FAM241A: variants seen among roughly 807,000 people sequenced by gnomAD.
FAM241A encodes uncharacterized protein FAM241A.
FAM241A carries 7 observed loss-of-function variants against 12.2 expected under a neutral mutation model. The observed-to-expected ratio is 0.58, with a 90% CI of 0.33 to 1.08. The LOEUF (loss-of-function observed/expected upper bound fraction) is 1.08. Ranked by LOEUF, FAM241A falls within the 50% of genes least tolerant of loss-of-function variation. The pLI, the probability that FAM241A is intolerant of heterozygous loss-of-function variation, is 0.04. For missense variants in FAM241A, 161 were observed against 169.7 expected (o/e 0.95, Z 0.29); for synonymous variants, 74 against 68.2 (o/e 1.08, Z -0.42).
intron 1 of FAM241A, 134 bp downstream of exon 1, chr4:112,145,867 T>G (rs1255397387): frequency 4.5e-6 from 2 of 447,904 alleles, no homozygotes; most frequent in African/African-American, 4.2e-5. Context: ...TCCCCGGCGC[T>G]CTGGGAAGTC....
chr4:112,184,004 G>A (rs1723993727), intron 1 of FAM241A, among the ~76,000 whole-genome samples: 1 of 151,844 alleles, frequency 6.6e-6, no homozygotes, highest in Non-Finnish European at 1.5e-5. Flanking sequence ...AAAAAGAAAA[G>A]ATCCACAAAT....
chr4:112,146,696 C>T (rs965728912), intron 1 of FAM241A, among the ~76,000 whole-genome samples: 3 of 152,176 alleles, frequency 2.0e-5, no homozygotes, highest in African/African-American at 2.4e-5. Context: ...CTTTCTGTCA[C>T]GTTTCACAAA....
intron 1 of FAM241A, among the ~76,000 whole-genome samples, chr4:112,174,666 T>C (rs1373414356): frequency 6.6e-6 from 1 of 152,170 alleles, no homozygotes; most frequent in Non-Finnish European, 1.5e-5. Flanking sequence ...AGAGCCTTCC[T>C]GGGATCAAAG....
intron 1 of FAM241A, among the ~76,000 whole-genome samples, chr4:112,186,277 T>G (rs1022448425): frequency 7.2e-5 from 11 of 152,208 alleles, no homozygotes; most frequent in African/African-American, 2.7e-4. Flanking sequence ...TAGCTGAGCC[T>G]AAGACAAAGA....
intron 1 of FAM241A, among the ~76,000 whole-genome samples, chr4:112,177,404 T>C (rs1411154155): frequency 6.6e-6 from 1 of 151,920 alleles, no homozygotes; most frequent in East Asian, 1.9e-4. Flanking sequence ...AACTGGAGGG[T>C]GTGTACAGTA....
intron 1 of FAM241A, among the ~76,000 whole-genome samples, chr4:112,177,310 G>A (rs1723843125): frequency 6.6e-6 from 1 of 152,056 alleles, no homozygotes; most frequent in Non-Finnish European, 1.5e-5. Flanking sequence ...TATTTATATA[G>A]CTTATCTTTT....
At chr4:112,174,685 G>T (rs1034349444) in intron 1 of FAM241A, among the ~76,000 whole-genome samples, 13 of 152,182 alleles carry the variant, frequency 8.5e-5, no homozygotes, top group Non-Finnish European at 1.5e-4. Context: ...AGTCAACTGT[G>T]AGAATTCGAG....
At chr4:112,167,580 T>G (rs997837568) in intron 1 of FAM241A, among the ~76,000 whole-genome samples, 3 of 152,230 alleles carry the variant, frequency 2.0e-5, no homozygotes, top group African/African-American at 7.2e-5. Flanking sequence ...AAGAGTTGCC[T>G]GAGTTGAGAA....
chr4:112,155,764 G>A (rs1723340680), intron 1 of FAM241A, among the ~76,000 whole-genome samples: 1 of 152,030 alleles, frequency 6.6e-6, no homozygotes, highest in South Asian at 2.1e-4. Flanking sequence ...AAGATGAATG[G>A]TGTGGGTTTA....
Position 112,192,704 on chromosome 4 carries a change from C to G in FAM241A, c.*5766C>G, listed in dbSNP as rs1405980776. 6.6e-6 allele frequency: 1 copy of G among 151,142 alleles called. No individual in the cohort carries two copies. The highest frequency in any genetic ancestry group is 2.4e-5 in the African/African-American group (1 of 41,014). 9.4% of individuals were successfully genotyped at this position (151,142 alleles called of 1,614,324 possible). A position where few individuals can be genotyped will look rare whatever the true frequency, so the allele number is the denominator to read the frequency against. On this transcript the variant is annotated 3_prime_UTR_variant, in exon 2 of 2. Transcript: ENST00000309733. ...TCCTTTTTTATGGCTGCATAGTATT[C>G]CATGGTGTATATGTGCCACATTTTC...
intron 1 of FAM241A, among the ~76,000 whole-genome samples, chr4:112,164,537 TG>T (rs1303937983): frequency 6.6e-6 from 1 of 152,146 alleles, no homozygotes; most frequent in East Asian, 1.9e-4. Context: ...ACATGGCACA[TG>T]TATACATATG....
intron 1 of FAM241A, among the ~76,000 whole-genome samples, chr4:112,160,175 G>A (rs1461116278): frequency 6.6e-6 from 1 of 152,174 alleles, no homozygotes; most frequent in African/African-American, 2.4e-5. Flanking sequence ...GGGAGGCCCA[G>A]GTGGACAGAT....
chr4:112,179,943 A>ATGTG (rs35177969), intron 1 of FAM241A, among the ~76,000 whole-genome samples: 51 of 129,502 alleles, frequency 3.9e-4, no homozygotes, highest in Middle Eastern at 8.7e-3. Flanking sequence ...ATATATGTAT[A>ATGTG]TGTGTGTGTG....
intron 1 of FAM241A, among the ~76,000 whole-genome samples, chr4:112,182,455 T>C (rs1718310827): frequency 6.6e-6 from 1 of 152,004 alleles, no homozygotes; most frequent in African/African-American, 2.4e-5. Context: ...AATATATTTG[T>C]AATAAGTTAA....
At chr4:112,177,750 G>C (rs1228962780) in intron 1 of FAM241A, among the ~76,000 whole-genome samples, 1 of 152,074 alleles carries the variant, frequency 6.6e-6, no homozygotes, top group African/African-American at 2.4e-5. Context: ...GTACGTATTA[G>C]TGTCTGCTCT....
At chr4:112,166,001 A>G (rs1394624165) in intron 1 of FAM241A, among the ~76,000 whole-genome samples, 3 of 152,110 alleles carry the variant, frequency 2.0e-5, no homozygotes, top group African/African-American at 7.2e-5. Flanking sequence ...CCTGTATCAA[A>G]ATATCTCGTG....
At chr4:112,155,463 T>C (rs1723332970) in intron 1 of FAM241A, among the ~76,000 whole-genome samples, 2 of 152,036 alleles carry the variant, frequency 1.3e-5, no homozygotes, top group African/African-American at 4.8e-5. Flanking sequence ...GAGGTAAGTA[T>C]AAAACAATGC....
At chr4:112,157,492 AAGT>A (rs771077893) in intron 1 of FAM241A, among the ~76,000 whole-genome samples, 4 of 152,082 alleles carry the variant, frequency 2.6e-5, no homozygotes, top group Non-Finnish European at 5.9e-5. Context: ...TTGCTACACT[AAGT>A]AGATTAATTT....
chr4:112,178,257 G>T (rs1324299105), intron 1 of FAM241A, among the ~76,000 whole-genome samples: 1 of 152,156 alleles, frequency 6.6e-6, no homozygotes, highest in African/African-American at 2.4e-5. Flanking sequence ...TTGCAGATGT[G>T]ATTAAATTTA....
Sources: gnomAD v4.1 joint callset for allele counts (sites outside exome capture counted in the v4.1 genomes callset) on GRCh38, gnomAD v4.1.1 for gene constraint, MANE v1.5 for transcripts, NCBI Gene and HGNC (gene_info 2026-07-23, HGNC 2026-07-21) for gene names.